Variants in FRMPD3 observed in about 807,000 individuals in gnomAD.
FRMPD3 encodes FERM and PDZ domain-containing protein 3.
A neutral mutation model predicts 97.9 loss-of-function variants in FRMPD3; 42 were observed. That is an observed-to-expected ratio of 0.43 (90% CI 0.34 to 0.55). FRMPD3 has a LOEUF of 0.55. Among genes scored for constraint, FRMPD3 ranks in the 20% least tolerant of loss-of-function variants. FRMPD3 has a pLI of 0.03. For synonymous variants in FRMPD3, 577 were observed against 581.1 expected, an observed-to-expected ratio of 0.99 and a Z score of 0.10; for missense variants, 1,303 against 1,457.7, an observed-to-expected ratio of 0.89 and a Z score of 1.73.
intron 1 of FRMPD3, among the ~76,000 whole-genome samples, chrX:107,457,009 A>C (rs1461669234): frequency 9.0e-6 from 1 of 111,624 alleles, no homozygotes; most frequent in African/African-American, 3.3e-5. Flanking sequence ...ATGTATTTGG[A>C]GGTAGAGGAA....
intron 13 of FRMPD3, among the ~76,000 whole-genome samples, chrX:107,586,825 G>T (rs1923669301): frequency 8.9e-6 from 1 of 112,070 alleles, no homozygotes; most frequent in Non-Finnish European, 1.9e-5. Context: ...TGTTTGTTAT[G>T]ATTTCAGTTC....
chrX:107,569,294 CAAAAAAAAAAAA>C (rs752263727), intron 12 of FRMPD3, among the ~76,000 whole-genome samples: 9 of 21,256 alleles, frequency 4.2e-4, no homozygotes, highest in South Asian at 2.8e-3. Context: ...GACTCCATCT[CAAAAAAAAAAAA>C]AAAAAAAAAA....
chrX:107,522,816 G>A (rs1922554051), intron 1 of FRMPD3, among the ~76,000 whole-genome samples: 1 of 110,898 alleles, frequency 9.0e-6, no homozygotes, highest in Non-Finnish European at 1.9e-5. Context: ...CAAGGTGAGG[G>A]AATGCCTTTG....
intron 1 of FRMPD3, among the ~76,000 whole-genome samples, chrX:107,496,815 C>T (rs975807475): frequency 8.0e-5 from 9 of 112,232 alleles, no homozygotes; most frequent in African/African-American, 2.9e-4. Context: ...GCCACAGCCA[C>T]CTGAGGTCCT....
At chrX:107,511,098 A>G (rs1426852207) in intron 1 of FRMPD3, among the ~76,000 whole-genome samples, 1 of 112,068 alleles carries the variant, frequency 8.9e-6, no homozygotes, top group Non-Finnish European at 1.9e-5. Context: ...AAGTTCCCCA[A>G]AGGGGCATGG....
chrX:107,465,089 G>A (rs1374547346), intron 1 of FRMPD3, among the ~76,000 whole-genome samples: 2 of 111,908 alleles, frequency 1.8e-5, no homozygotes, highest in Non-Finnish European at 3.8e-5. Context: ...GGGGATTGGT[G>A]GTGTCAGTGA....
chrX:107,514,122 G>A (rs1922239408), intron 1 of FRMPD3, among the ~76,000 whole-genome samples: 2 of 111,334 alleles, frequency 1.8e-5, no homozygotes, highest in Admixed American at 1.9e-4. Context: ...ATGCCTTAAG[G>A]TGGCAAAGAC....
chrX:107,569,181 G>C (rs1330135372), intron 12 of FRMPD3, among the ~76,000 whole-genome samples: 1 of 108,818 alleles, frequency 9.2e-6, no homozygotes, highest in Non-Finnish European at 1.9e-5. Flanking sequence ...TGTAATCCCA[G>C]CTATTCTGGA....
chrX:107,470,837 A>G (rs1203608035), intron 1 of FRMPD3, among the ~76,000 whole-genome samples: 1 of 112,385 alleles, frequency 8.9e-6, no homozygotes, highest in Non-Finnish European at 1.9e-5. Flanking sequence ...ACTTAGTGGT[A>G]GCCAAAAGTG....
intron 4 of FRMPD3, among the ~76,000 whole-genome samples, chrX:107,541,056 C>T (rs991641846): frequency 8.0e-5 from 9 of 113,069 alleles, no homozygotes; most frequent in African/African-American, 1.9e-4. Context: ...ATGAAGATCA[C>T]GGCTGTGTTC....
chrX:107,541,330 C>T (rs1050935629), intron 4 of FRMPD3, among the ~76,000 whole-genome samples: 2 of 112,461 alleles, frequency 1.8e-5, no homozygotes, highest in African/African-American at 6.5e-5. Flanking sequence ...CAGGCCTCAC[C>T]TGTGTCTGAG....
intron 1 of FRMPD3, among the ~76,000 whole-genome samples, chrX:107,458,436 G>T (rs1363480791): frequency 8.9e-6 from 1 of 112,130 alleles, no homozygotes; most frequent in Non-Finnish European, 1.9e-5. Flanking sequence ...GAGGGGAGAA[G>T]TCTTCCCAGA....
chrX:107,539,627 C>T (rs763246158), intron 4 of FRMPD3, among the ~76,000 whole-genome samples: 1 of 111,092 alleles, frequency 9.0e-6, no homozygotes, highest in South Asian at 3.9e-4. Context: ...CTCAGAGAAA[C>T]TGGTTTTCTA....
At chrX:107,531,952 TTCAG>T (rs371552315) in intron 3 of FRMPD3, among the ~76,000 whole-genome samples, 1 of 111,772 alleles carries the variant, frequency 8.9e-6, no homozygotes, top group Non-Finnish European at 1.9e-5. Context: ...CATTCATTCA[TTCAG>T]TCAGTCAGTC....
At chrX:107,582,128 A>G (rs1476320475) in intron 13 of FRMPD3, among the ~76,000 whole-genome samples, 2 of 110,993 alleles carry the variant, frequency 1.8e-5, no homozygotes, top group East Asian at 5.7e-4. Flanking sequence ...CACTTCCATC[A>G]GCAATATTGG....
chrX:107,450,462 C>T (rs1048852858), intron 1 of FRMPD3, among the ~76,000 whole-genome samples: 2 of 109,726 alleles, frequency 1.8e-5, no homozygotes, highest in Non-Finnish European at 3.8e-5. Flanking sequence ...GCGTGGTTCC[C>T]GGGGCCATGT....
chrX:107,451,071 C>T (rs1177364895), intron 1 of FRMPD3, among the ~76,000 whole-genome samples: 1 of 111,897 alleles, frequency 8.9e-6, no homozygotes, highest in Non-Finnish European at 1.9e-5. Context: ...ATGTTTGACA[C>T]CTTCCCCCAG....
chrX:107,481,209 G>C (rs1379838274), intron 1 of FRMPD3, among the ~76,000 whole-genome samples: 2 of 112,128 alleles, frequency 1.8e-5, no homozygotes, highest in Non-Finnish European at 3.8e-5. Flanking sequence ...TTGCTGATGA[G>C]GGAGAAGGGG....
Position 107,560,826 on chromosome X carries a change from C to T in FRMPD3, c.999C>T (p.His333=). 3 of 1,195,871 alleles carry T rather than the reference C, an allele frequency of 2.5e-6. No homozygotes were observed. Among genetic ancestry groups the T allele is most frequent in the Non-Finnish European group, 3.4e-6 (3 of 887,622 alleles). Residue 333 remains histidine (H), a synonymous_variant, in exon 10 of 15, where the codon CAC becomes CAT. Transcript: ENST00000683843. ...CTCTCTCTCAGCAACTGAAGGCTCA[C>T]CAAACACATCCTTCCTGCGGCACCA... is the stretch of plus-strand genomic sequence containing the variant. ...RKSLSQQLKA[H]QTHPSCGTKG... is the part of the protein sequence containing the mutation.
Sources: gnomAD v4.1 joint callset for allele counts (sites outside exome capture counted in the v4.1 genomes callset) on GRCh38, gnomAD v4.1.1 for gene constraint, MANE v1.5 for transcripts, NCBI Gene and HGNC (gene_info 2026-07-23, HGNC 2026-07-21) for gene names.